The following SSX2IP variants were observed in gnomAD, a reference collection of about 807,000 sequenced individuals.
SSX2IP encodes the protein SSX family member 2 interacting protein.
In SSX2IP, 55 loss-of-function variants were observed where a neutral mutation model predicts 84.9. The observed-to-expected ratio is 0.65, with a 90% CI of 0.52 to 0.81. The LOEUF is 0.81. Ranked by LOEUF, SSX2IP falls within the 30% of genes least tolerant of loss-of-function variation. The pLI, the probability that SSX2IP is intolerant of heterozygous loss-of-function variation, is 0.00. For missense variants in SSX2IP, 664 were observed against 705.2 expected (o/e 0.94, Z 0.66); for synonymous variants, 239 against 234.7 (o/e 1.02, Z -0.17).
chr1:84,662,626 CT>C, intron 6 of SSX2IP, 96 bp from the exon 7 acceptor site: 5 of 1,299,236 alleles, frequency 3.8e-6, no homozygotes, highest in Non-Finnish European at 5.4e-6. Context: ...GAAAGTGAAC[CT>C]GGTATATAGG....
At chr1:84,652,797 G>A (rs1279532785) in intron 11 of SSX2IP, among the ~76,000 whole-genome samples, 10 of 151,942 alleles carry the variant, frequency 6.6e-5, no homozygotes, top group African/African-American at 1.2e-4. Context: ...AGGCCAAGGC[G>A]GGTGGATCAC....
At chr1:84,656,154 G>A (rs930175896) in intron 10 of SSX2IP, 149 bp from the exon 11 acceptor site, 29 of 952,682 alleles carry the variant, frequency 3.0e-5, no homozygotes, top group South Asian at 1.6e-4. Context: ...CTCATTTCCC[G>A]AAACCTACTA....
chr1:84,659,323 A>G (rs1019464533), intron 8 of SSX2IP, among the ~76,000 whole-genome samples: 2 of 152,198 alleles, frequency 1.3e-5, no homozygotes, highest in African/African-American at 4.8e-5. Flanking sequence ...GAGGTCAGCA[A>G]TGGGCTAGCA....
Position 84,669,699 on chromosome 1 carries a change from G to C in SSX2IP, c.408C>G (p.Ser136Arg), listed in dbSNP as rs993107023. 6.2e-7 allele frequency: 1 copy of C among 1,613,500 alleles called. No homozygotes were observed. ...TTTCTACCTTAAGTTTTGAGTAGCA[G>C]CTCTGTAGATGGTCCATATCACTTC... The part of the protein sequence containing the change: ...KLGSDMDHLQ[S>R]CYSKLKEQLE... Residue 136 changes from serine to arginine, a missense_variant, in exon 4 of 14, where the codon AGC (serine) becomes AGG (arginine). By Grantham distance (110) the Ser-to-Arg change is moderately radical. Transcript: ENST00000342203.
rs1202261163 is a variant in SSX2IP, at chr1:84,663,702, G to A, written c.673+715C>T. On this transcript the variant is annotated intron_variant, in intron 6 of 13. Coordinates refer to ENST00000342203, the MANE Select transcript of SSX2IP (RefSeq NM_001166293.2). ...AGGTAAGACAGTTTAGGGGTGTCAC[G>A]GTATAATGTATGTTAGAGGACTACC... Among the ~76,000 whole-genome samples, 5 of 152,002 alleles carry A rather than the reference G, an allele frequency of 3.3e-5. No homozygotes were observed. The East Asian group carries it at 7.7e-4, about 23-fold the overall frequency.
intron 1 of SSX2IP, among the ~76,000 whole-genome samples, chr1:84,676,271 T>C (rs932747942): frequency 6.6e-6 from 1 of 152,208 alleles, no homozygotes; most frequent in African/African-American, 2.4e-5. Flanking sequence ...CATAGTTTTG[T>C]TCATTAGCGG....
intron 1 of SSX2IP, among the ~76,000 whole-genome samples, chr1:84,686,451 G>C (rs1441224542): frequency 6.6e-6 from 1 of 152,214 alleles, no homozygotes; most frequent in African/African-American, 2.4e-5. Flanking sequence ...GAACAGAGGA[G>C]TAAAGTTAGT....
intron 1 of SSX2IP, among the ~76,000 whole-genome samples, chr1:84,680,650 A>AG (rs1476991795): frequency 6.6e-6 from 1 of 151,746 alleles, no homozygotes; most frequent in Non-Finnish European, 1.5e-5. Flanking sequence ...TTTAGTCCTC[A>AG]GGAAAAAAAA....
Position 84,670,300 on chromosome 1 carries a change from T to C in SSX2IP, c.213+346A>G, listed in dbSNP as rs142301329. On this transcript the variant is annotated intron_variant, in intron 3 of 13. Coordinates refer to ENST00000342203, the MANE Select transcript of SSX2IP (RefSeq NM_001166293.2). ...AACTATCTTGAAATAGTTAAGAAAATGGTCAATATCCCAAAGGACAAAGAG... is the reference window on the plus strand; with the variant it reads ...AACTATCTTGAAATAGTTAAGAAAACGGTCAATATCCCAAAGGACAAAGAG... 518 of 178,532 alleles carry C rather than the reference T, an allele frequency of 2.9e-3. 2 individuals are homozygous for C. The highest frequency in any genetic ancestry group is 0.012 in the African/African-American group (500 of 42,308). 11.1% of individuals were successfully genotyped at this position (178,532 alleles called of 1,614,324 possible).
chr1:84,662,608 T>C, intron 6 of SSX2IP, 78 bp from the exon 7 acceptor site: 1 of 1,486,644 alleles, frequency 6.7e-7, no homozygotes, highest in Non-Finnish European at 9.2e-7. Flanking sequence ...TCTATACACG[T>C]AAGTGGTGAA....
At chr1:84,660,139 A>G (rs1651726754) in intron 8 of SSX2IP, among the ~76,000 whole-genome samples, 1 of 152,144 alleles carries the variant, frequency 6.6e-6, no homozygotes, top group African/African-American at 2.4e-5. Context: ...CTCTTGCTAT[A>G]ATGCTTCAAA....
In SSX2IP at chr1:84,662,288, C is replaced by T. The variant is rs2288079; in HGVS notation, c.837G>A (p.Lys279=). Residue 279 remains lysine, a synonymous_variant, in exon 8 of 14, where the codon AAG becomes AAA. Transcript: ENST00000342203. ...QILMENAELK[K]VLQQMKKEMI... ...TTTCCTTTTTCATTTGTTGAAGAAC[C>T]TTCTTAAGTTCTGCATTTTCCATTA... The T allele has an allele frequency of 3.4e-4, 541 of 1,607,394 alleles. 2 individuals carry two copies. In the East Asian group the frequency reaches 8.2e-3, roughly 24 times the overall value.
chr1:84,647,242 A>C lies in SSX2IP; in HGVS notation c.*191T>G, dbSNP rs1649556763. On this transcript the variant is annotated 3_prime_UTR_variant, in exon 14 of 14. Coordinates refer to ENST00000342203, the MANE Select transcript of SSX2IP (RefSeq NM_001166293.2). ...CAGATGCTTCTGTTACTAAAAATACATATCCAAAGCTTTTATATCCTTTTA... is the reference window on the plus strand; with the variant it reads ...CAGATGCTTCTGTTACTAAAAATACCTATCCAAAGCTTTTATATCCTTTTA... 1 of 422,320 alleles carries C rather than the reference A, an allele frequency of 2.4e-6. No individual in the cohort carries two copies. Among genetic ancestry groups the C allele is most frequent in the Non-Finnish European group, 4.1e-6 (1 of 243,592 alleles). The allele number at this position is 422,320 out of a possible 1,614,324, so 26.2% of individuals were successfully genotyped here.
chr1:84,651,151 C>CA (rs989526741), intron 12 of SSX2IP, among the ~76,000 whole-genome samples: 2 of 152,028 alleles, frequency 1.3e-5, no homozygotes, highest in African/African-American at 4.8e-5. Flanking sequence ...CTTGTCTCTA[C>CA]AAAAAAGTTT....
chr1:84,660,961 G>C (rs1227154337), intron 8 of SSX2IP, among the ~76,000 whole-genome samples: 1 of 149,880 alleles, frequency 6.7e-6, no homozygotes, highest in South Asian at 2.1e-4. Flanking sequence ...CAGCTACTCA[G>C]GAGGTTGAGG....
rs575806852 is a variant in SSX2IP at position 84,681,197 on chromosome 1, A to T, written c.-90+9174T>A. Among the ~76,000 whole-genome samples the T allele has an allele frequency of 2.1e-4, 32 of 152,326 alleles. No individual in the cohort carries two copies. The Middle Eastern group carries it at 0.014, about 65-fold the overall frequency. ...AATGTGTAAATCTTTCCACTAAACA[A>T]TCATACTTCTAGGCATATAAGAGAG... On this transcript the variant is annotated intron_variant, in intron 1 of 13. Transcript: ENST00000342203.
intron 1 of SSX2IP, among the ~76,000 whole-genome samples, chr1:84,675,691 G>C (rs1326551338): frequency 6.6e-6 from 1 of 152,162 alleles, no homozygotes; most frequent in Non-Finnish European, 1.5e-5. Context: ...ATGCACATCT[G>C]ATTGCTTCCT....
At chr1:84,687,142 A>G (rs772189419) in intron 1 of SSX2IP, among the ~76,000 whole-genome samples, 12 of 152,220 alleles carry the variant, frequency 7.9e-5, no homozygotes, top group Non-Finnish European at 1.5e-4. Flanking sequence ...CGAAGCAGGT[A>G]TTGTTATTAT....
rs576478971 is a variant in SSX2IP, at chr1:84,670,553, A to C, written c.213+93T>G. The C allele has an allele frequency of 1.3e-5, 12 of 920,742 alleles. No homozygotes were observed. The South Asian group carries it at 2.6e-4, about 20-fold the overall frequency. The allele number at this position is 920,742 out of a possible 1,614,324, so 57.0% of individuals were successfully genotyped here. A position where few individuals can be genotyped will look rare whatever the true frequency, so the allele number is the denominator to read the frequency against. ...GTCTCAGGGGCACTACATAAACAACAAACTTGTGTTTGACAAATGTTTTTC... is the reference window on the plus strand; with the variant it reads ...GTCTCAGGGGCACTACATAAACAACCAACTTGTGTTTGACAAATGTTTTTC... On this transcript the variant is annotated intron_variant, in intron 3 of 13. Coordinates refer to ENST00000342203, the MANE Select transcript of SSX2IP (RefSeq NM_001166293.2).
Sources: allele counts gnomAD v4.1 joint callset (sites outside exome capture counted in the v4.1 genomes callset), GRCh38; gene constraint gnomAD v4.1.1; transcripts MANE v1.5; gene names NCBI Gene and HGNC (gene_info 2026-07-23, HGNC 2026-07-21).